The following MAF variants were observed in gnomAD, a reference collection of about 807,000 sequenced individuals.
MAF encodes the protein MAF bZIP transcription factor.
MAF carries 10 observed loss-of-function variants against 22.0 expected under a neutral mutation model. The observed-to-expected ratio is 0.45, with a 90% confidence interval of 0.28 to 0.77. The LOEUF (loss-of-function observed/expected upper bound fraction) is 0.77. Ranked by LOEUF, MAF falls within the 30% of genes least tolerant of loss-of-function variation. MAF has a pLI of 0.12. For synonymous variants in MAF, 337 were observed against 255.8 expected, an observed-to-expected ratio of 1.32 and a Z score of -3.03; for missense variants, 544 against 548.4, an observed-to-expected ratio of 0.99 and a Z score of 0.08.
the MAF span, among the ~76,000 whole-genome samples, chr16:79,223,546 A>G: frequency 2.0e-5 from 3 of 152,156 alleles, no homozygotes; most frequent in Non-Finnish European, 4.4e-5. Context: ...GACACAAAAA[A>G]CCCTTCAAAA....
At chr16:79,597,442 A>C in intron 1 of MAF, 1 of 1,029,248 alleles carries the variant, frequency 9.7e-7, no homozygotes, top group Non-Finnish European at 1.2e-6. Flanking sequence ...GCTTCTCGGC[A>C]ATAGCACAAT....
the MAF span, among the ~76,000 whole-genome samples, chr16:79,507,014 G>C: frequency 8.6e-5 from 13 of 151,896 alleles, no homozygotes; most frequent in African/African-American, 3.1e-4. Flanking sequence ...ATAAAATCTA[G>C]AATAATATCT....
At chr16:79,320,682 A>G in the MAF span, among the ~76,000 whole-genome samples, 1 of 152,240 alleles carries the variant, frequency 6.6e-6, no homozygotes, top group East Asian at 1.9e-4. Flanking sequence ...TTGCATGGGA[A>G]AAATGGGACT....
the MAF span, among the ~76,000 whole-genome samples, chr16:79,252,124 A>C: frequency 1.3e-5 from 2 of 152,262 alleles, no homozygotes; most frequent in African/African-American, 2.4e-5. Context: ...TGGTTCTGTC[A>C]GGCAGGACTG....
chr16:79,417,128 C>T, the MAF span, among the ~76,000 whole-genome samples: 2 of 152,198 alleles, frequency 1.3e-5, no homozygotes, highest in East Asian at 3.9e-4. Context: ...GCACACCATT[C>T]TCATTTTCAT....
At chr16:79,537,033 G>A in the MAF span, among the ~76,000 whole-genome samples, 1 of 152,154 alleles carries the variant, frequency 6.6e-6, no homozygotes, top group African/African-American at 2.4e-5. Flanking sequence ...TGTACAGTGT[G>A]TTTGTGTGTG....
At chr16:79,232,932 C>T in the MAF span, among the ~76,000 whole-genome samples, 2,796 of 150,974 alleles carry the variant, frequency 0.019, 94 homozygotes, top group African/African-American at 0.065. Flanking sequence ...GCTCTGCCTC[C>T]CGGGTTCACG....
chr16:79,324,644 T>C, the MAF span, among the ~76,000 whole-genome samples: 1 of 152,104 alleles, frequency 6.6e-6, no homozygotes, highest in Non-Finnish European at 1.5e-5. Context: ...AGAGTCCAGA[T>C]GCAAAGTTCT....
the MAF span, among the ~76,000 whole-genome samples, chr16:79,499,252 G>A: frequency 6.6e-6 from 1 of 152,176 alleles, no homozygotes; most frequent in Non-Finnish European, 1.5e-5. Flanking sequence ...CAACCTGCAG[G>A]TCAAGTTGGA....
chr16:79,570,851 C>G, the MAF span, among the ~76,000 whole-genome samples: 1 of 152,162 alleles, frequency 6.6e-6, no homozygotes, highest in East Asian at 1.9e-4. Flanking sequence ...ATGTTCTGTG[C>G]GAGTTTCTGT....
the MAF span, among the ~76,000 whole-genome samples, chr16:79,292,353 T>C: frequency 2.0e-5 from 3 of 152,246 alleles, no homozygotes; most frequent in East Asian, 3.9e-4. Context: ...AGCCAAGAAA[T>C]TGATGGCAAC....
At chr16:79,503,165 A>G in the MAF span, among the ~76,000 whole-genome samples, 29 of 152,260 alleles carry the variant, frequency 1.9e-4, no homozygotes, top group African/African-American at 6.7e-4. Flanking sequence ...ATTTGAATGA[A>G]GAATGCCCAA....
chr16:79,274,266 T>C, the MAF span, among the ~76,000 whole-genome samples: 3 of 151,198 alleles, frequency 2.0e-5, no homozygotes, highest in Admixed American at 1.3e-4. Context: ...TTTTTTTTTT[T>C]TAATTTTCAG....
the MAF span, among the ~76,000 whole-genome samples, chr16:79,226,837 T>A: frequency 6.6e-6 from 1 of 152,146 alleles, no homozygotes; most frequent in South Asian, 2.1e-4. Flanking sequence ...TTGTAAAACA[T>A]GCCCAGCTGC....
At chr16:79,430,960 C>A in the MAF span, among the ~76,000 whole-genome samples, 1 of 152,204 alleles carries the variant, frequency 6.6e-6, no homozygotes, top group Non-Finnish European at 1.5e-5. Flanking sequence ...AACAGGGTGA[C>A]AGGGAAGAGA....
the MAF span, among the ~76,000 whole-genome samples, chr16:79,358,265 TG>T: frequency 6.6e-6 from 1 of 152,192 alleles, no homozygotes; most frequent in Non-Finnish European, 1.5e-5. Context: ...TGGGGGGTCC[TG>T]GTCGAGAGTT....
At chr16:79,397,703 G>C in the MAF span, among the ~76,000 whole-genome samples, 3 of 152,220 alleles carry the variant, frequency 2.0e-5, no homozygotes, top group Non-Finnish European at 4.4e-5. Context: ...GCTTTGCAGG[G>C]CATAGCTGTG....
the MAF span, among the ~76,000 whole-genome samples, chr16:79,304,154 T>G: frequency 3.9e-5 from 6 of 152,284 alleles, no homozygotes; most frequent in Admixed American, 3.3e-4. Context: ...TACCTGACAA[T>G]GTGACTGGAG....
At chr16:79,472,857 C>A in the MAF span, among the ~76,000 whole-genome samples, 1 of 151,888 alleles carries the variant, frequency 6.6e-6, no homozygotes, top group African/African-American at 2.4e-5. Flanking sequence ...GGAGAGGGAA[C>A]AAGCAGTAAA....
Sources: gnomAD v4.1 joint callset for allele counts (sites outside exome capture counted in the v4.1 genomes callset) on GRCh38, gnomAD v4.1.1 for gene constraint, MANE v1.5 for transcripts, NCBI Gene and HGNC (gene_info 2026-07-23, HGNC 2026-07-21) for gene names.